The following LRMDA variants were observed in gnomAD, a reference collection of about 807,000 sequenced individuals.
LRMDA encodes leucine-rich melanocyte differentiation-associated protein.
In LRMDA, 18 loss-of-function variants were observed where a neutral mutation model predicts 29.8. The observed-to-expected ratio is 0.60, with a 90% CI of 0.42 to 0.90. The LOEUF (loss-of-function observed/expected upper bound fraction) is 0.90. Among genes scored for constraint, LRMDA ranks in the 40% least tolerant of loss-of-function variants. LRMDA has a pLI of 0.00. For synonymous variants in LRMDA, 125 were observed against 109.4 expected (o/e 1.14, Z -0.89); for missense variants, 273 against 273.9 (o/e 1.00, Z 0.02).
At chr10:75,716,401 C>T (rs1200034871) in intron 2 of LRMDA, among the ~76,000 whole-genome samples, 1 of 152,112 alleles carries the variant, frequency 6.6e-6, no homozygotes, top group Non-Finnish European at 1.5e-5. Context: ...TTTATGCCAC[C>T]CTTAGTTGGG....
intron 5 of LRMDA, among the ~76,000 whole-genome samples, chr10:76,149,101 G>T (rs759870750): frequency 2.0e-5 from 3 of 152,224 alleles, no homozygotes; most frequent in Non-Finnish European, 4.4e-5. Flanking sequence ...TTAAGTGGGT[G>T]TAAAGTGGTA....
intron 2 of LRMDA, among the ~76,000 whole-genome samples, chr10:75,566,645 T>A (rs1840375400): frequency 6.6e-6 from 1 of 152,156 alleles, no homozygotes; most frequent in Non-Finnish European, 1.5e-5. Flanking sequence ...CTTTAATGCT[T>A]CTCTATCCAG....
Position 75,936,534 on chromosome 10 carries a change from G to C in LRMDA, c.132-99474G>C, listed in dbSNP as rs547508640. 3.3e-5 allele frequency among the ~76,000 whole-genome samples: 5 copies of C among 152,178 alleles called. No homozygotes were observed. In the East Asian group the frequency reaches 7.7e-4, roughly 24 times the overall value. ...CCCGCACATATCTTTTTGCTTCACT[G>C]TGTTGGTCTGTTTGGGCTGCTGTAA... is the stretch of plus-strand genomic sequence containing the variant. On this transcript the variant is annotated intron_variant, in intron 2 of 6. Coordinates refer to ENST00000611255, the MANE Select transcript of LRMDA (RefSeq NM_001305581.2).
chr10:76,111,185 C>T (rs942428565), intron 5 of LRMDA, among the ~76,000 whole-genome samples: 3 of 152,210 alleles, frequency 2.0e-5, no homozygotes, highest in African/African-American at 7.2e-5. Context: ...TTTATGGATC[C>T]TCAAAGCAGC....
intron 5 of LRMDA, among the ~76,000 whole-genome samples, chr10:76,226,895 G>A (rs747358733): frequency 1.5e-4 from 23 of 152,092 alleles, no homozygotes; most frequent in Non-Finnish European, 2.2e-4. Context: ...CCAGCCTCAG[G>A]TACTCCCTTA....
chr10:75,684,391 A>G (rs896255206), intron 2 of LRMDA, among the ~76,000 whole-genome samples: 1 of 152,200 alleles, frequency 6.6e-6, no homozygotes, highest in African/African-American at 2.4e-5. Context: ...ATCAAAATGA[A>G]TGTCACCTTT....
chr10:76,416,787 C>T (rs991224701), intron 6 of LRMDA, among the ~76,000 whole-genome samples: 5 of 152,172 alleles, frequency 3.3e-5, no homozygotes, highest in African/African-American at 4.8e-5. Context: ...TTCATCTCCC[C>T]AGTGCTCACA....
chr10:76,528,621 G>A (rs1843203109), intron 6 of LRMDA, among the ~76,000 whole-genome samples: 1 of 152,116 alleles, frequency 6.6e-6, no homozygotes, highest in Non-Finnish European at 1.5e-5. Context: ...GTTTCAGAGA[G>A]AAGGGGAGTG....
rs1271279268 is a variant in LRMDA at position 76,363,263 on chromosome 10, GAAGGAAGGAAGGA to G, written c.601+38793_601+38805del. On this transcript the variant is annotated intron_variant, in intron 6 of 6. Coordinates refer to ENST00000611255, the MANE Select transcript of LRMDA (RefSeq NM_001305581.2). ...AGAAAGAAAGAAAGAAAGAAGGAAGGAAGGAAGGAAGGAAAGGAAGGAAGGAAGGAAGGAAGGG... is the reference window on the plus strand; with the variant it reads ...AGAAAGAAAGAAAGAAAGAAGGAAGGAAGGAAGGAAGGAAGGAAGGAAGGG... Among the ~76,000 whole-genome samples, 119 of 56,982 alleles carry G rather than the reference GAAGGAAGGAAGGA, an allele frequency of 2.1e-3. 13 individuals carry two copies. The highest frequency in any genetic ancestry group is 4.6e-3 in the South Asian group (10 of 2,170). 37.4% of individuals were successfully genotyped at this position (56,982 alleles called of 152,430 possible).
chr10:75,919,435 G>A (rs1845991289), intron 2 of LRMDA, among the ~76,000 whole-genome samples: 1 of 152,140 alleles, frequency 6.6e-6, no homozygotes, highest in Admixed American at 6.5e-5. Flanking sequence ...CCATGCAGGT[G>A]CAATTGGAGC....
chr10:76,501,251 CA>C (rs1421652506), intron 6 of LRMDA, among the ~76,000 whole-genome samples: 1 of 21,162 alleles, frequency 4.7e-5, no homozygotes, highest in African/African-American at 7.8e-5. Flanking sequence ...ACATATACCA[CA>C]GTTTCCTTAT....
At chr10:75,521,545 G>A (rs1845359363) in intron 2 of LRMDA, among the ~76,000 whole-genome samples, 1 of 152,192 alleles carries the variant, frequency 6.6e-6, no homozygotes, top group African/African-American at 2.4e-5. Flanking sequence ...CTGGTATCCC[G>A]GTTGCTTAGA....
chr10:75,506,694 G>GGGAA (rs1845171992), intron 2 of LRMDA, among the ~76,000 whole-genome samples: 1 of 152,244 alleles, frequency 6.6e-6, no homozygotes, highest in Non-Finnish European at 1.5e-5. Flanking sequence ...TCAGCGCCAT[G>GGGAA]TTGGTCCCTT....
chr10:76,201,683 A>G (rs974780268), intron 5 of LRMDA, among the ~76,000 whole-genome samples: 1 of 152,210 alleles, frequency 6.6e-6, no homozygotes, highest in Non-Finnish European at 1.5e-5. Flanking sequence ...ACTTAGTGTC[A>G]AATATTTTTC....
intron 6 of LRMDA, among the ~76,000 whole-genome samples, chr10:76,378,316 C>T (rs1481507224): frequency 6.6e-6 from 1 of 151,248 alleles, no homozygotes; most frequent in Non-Finnish European, 1.5e-5. Context: ...GGTATCAGAT[C>T]ATATCATCAG....
chr10:76,548,581 G>C (rs1185233722), intron 6 of LRMDA, among the ~76,000 whole-genome samples: 1 of 151,998 alleles, frequency 6.6e-6, no homozygotes, highest in African/African-American at 2.4e-5. Context: ...CATGGAGTTT[G>C]ACCTCTCATA....
At chr10:76,549,283 G>A (rs1843465750) in intron 6 of LRMDA, among the ~76,000 whole-genome samples, 1 of 152,028 alleles carries the variant, frequency 6.6e-6, no homozygotes, top group Non-Finnish European at 1.5e-5. Flanking sequence ...TCACCTTCAC[G>A]ACAAATTTTG....
At chr10:76,020,396 G>A (rs1268000122) in intron 2 of LRMDA, among the ~76,000 whole-genome samples, 2 of 152,220 alleles carry the variant, frequency 1.3e-5, no homozygotes, top group Non-Finnish European at 2.9e-5. Flanking sequence ...TTCTAAGTCT[G>A]GCAGAGGACG....
chr10:76,323,981 T>G (rs1200031516), intron 5 of LRMDA, among the ~76,000 whole-genome samples: 1 of 152,226 alleles, frequency 6.6e-6, no homozygotes, highest in Non-Finnish European at 1.5e-5. Context: ...AGCCCTGGTT[T>G]TCCCCATTTA....
Sources: gnomAD v4.1 joint callset for allele counts (sites outside exome capture counted in the v4.1 genomes callset) on GRCh38, gnomAD v4.1.1 for gene constraint, MANE v1.5 for transcripts, NCBI Gene and HGNC (gene_info 2026-07-23, HGNC 2026-07-21) for gene names.